Variants in UBE2E2 observed in about 807,000 individuals in gnomAD.
UBE2E2 encodes ubiquitin-conjugating enzyme E2 E2.
Under a neutral mutation model 24.7 loss-of-function variants are expected in UBE2E2, and 6 were observed. The ratio of observed to expected loss-of-function variants is 0.24; its 90% CI spans 0.13 to 0.48. The LOEUF is 0.48. Among genes scored for constraint, UBE2E2 ranks in the 20% least tolerant of loss-of-function variants. The pLI is 0.99. For missense variants in UBE2E2, 169 were observed against 245.0 expected (o/e 0.69, Z 2.07); for synonymous variants, 104 against 83.6 (o/e 1.24, Z -1.33).
chr3:23,280,095 G>A lies in UBE2E2; in HGVS notation c.227+62783G>A, dbSNP rs532077810. 6.6e-6 allele frequency among the ~76,000 whole-genome samples: 1 copy of A among 152,298 alleles called. No individual in the cohort carries two copies. The highest frequency in any genetic ancestry group is 6.5e-5 in the Admixed American group (1 of 15,300). The stretch of plus-strand genomic sequence containing the variant: ...CACATTTGACTTATTACCACGGTAA[G>A]GTTCAAATTACTGATATCACATTCT... On this transcript the variant is annotated intron_variant, in intron 3 of 5. Transcript: ENST00000396703. This position sits in a 1 kb window ranked among gnomAD's most constrained non-coding sequence, Gnocchi z 4.3.
intron 3 of UBE2E2, among the ~76,000 whole-genome samples, chr3:23,488,216 T>A (rs1441121882): frequency 1.4e-5 from 2 of 145,946 alleles, no homozygotes; most frequent in African/African-American, 2.6e-5. Flanking sequence ...TTTTTTTTTT[T>A]AATTAGACTT....
Position 23,591,576 on chromosome 3 carries a change from T to G in UBE2E2, c.*1745T>G, listed in dbSNP as rs1398482024. On this transcript the variant is annotated 3_prime_UTR_variant, in exon 6 of 6. Transcript: ENST00000396703. ...CTGATGCACTACTCAACCCTCTAGT[T>G]GTAGTAGAGGGAGCCACAGACAGTA... 6.6e-6 allele frequency: 1 copy of G among 152,124 alleles called. No individual in the cohort carries two copies. The highest frequency in any genetic ancestry group is 1.9e-4 in the East Asian group (1 of 5,194). The allele number at this position is 152,124 out of a possible 1,614,324, so 9.4% of individuals were successfully genotyped here.
chr3:23,334,784 G>A (rs535432241), intron 3 of UBE2E2, among the ~76,000 whole-genome samples: 5 of 152,256 alleles, frequency 3.3e-5, no homozygotes, highest in East Asian at 3.9e-4. Flanking sequence ...CTGGGCAGGA[G>A]CACATTCAGC....
chr3:23,506,773 A>G (rs1444434597), intron 4 of UBE2E2, among the ~76,000 whole-genome samples: 1 of 152,072 alleles, frequency 6.6e-6, no homozygotes, highest in Non-Finnish European at 1.5e-5. Flanking sequence ...GGCTGGGACC[A>G]CAGGCATTTG....
At chr3:23,452,745 G>A (rs1475253738) in intron 3 of UBE2E2, among the ~76,000 whole-genome samples, 1 of 152,138 alleles carries the variant, frequency 6.6e-6, no homozygotes, top group Admixed American at 6.6e-5. Flanking sequence ...GTGAAAAGGA[G>A]GGTATGTCAG....
chr3:23,203,165 T>G, upstream of UBE2E2: 1 of 985,092 alleles, frequency 1.0e-6, no homozygotes, highest in African/African-American at 1.8e-5. Context: ...TGGCTTCACT[T>G]TCCAGGACTC....
intron 3 of UBE2E2, among the ~76,000 whole-genome samples, chr3:23,318,585 G>T (rs1292933258): frequency 6.6e-6 from 1 of 151,976 alleles, no homozygotes; most frequent in Non-Finnish European, 1.5e-5. Context: ...GAAGGCAAAA[G>T]GCACGTCTAT....
At chr3:23,405,451 C>T (rs1202437754) in intron 3 of UBE2E2, among the ~76,000 whole-genome samples, 3 of 152,152 alleles carry the variant, frequency 2.0e-5, no homozygotes, top group African/African-American at 7.2e-5. Flanking sequence ...CCATGGCACA[C>T]TGTCTATTAT....
At chr3:23,494,443 T>C (rs1200483808) in intron 3 of UBE2E2, among the ~76,000 whole-genome samples, 2 of 152,222 alleles carry the variant, frequency 1.3e-5, no homozygotes, top group Non-Finnish European at 2.9e-5. Context: ...TTGCATTAAG[T>C]CTTCAAACTT....
intron 2 of UBE2E2, among the ~76,000 whole-genome samples, chr3:23,210,024 G>A (rs71317817): frequency 0.075 from 11,408 of 152,114 alleles, 544 homozygotes; most frequent in Non-Finnish European, 0.093. Flanking sequence ...CACAATTACC[G>A]GGGACTCAGC....
intron 3 of UBE2E2, among the ~76,000 whole-genome samples, chr3:23,231,929 C>T (rs1168599435): frequency 1.3e-5 from 2 of 152,226 alleles, no homozygotes; most frequent in African/African-American, 4.8e-5. Context: ...GTATGCTACC[C>T]TCCTGGCACC....
chr3:23,518,765 A>C (rs769159816), intron 4 of UBE2E2, among the ~76,000 whole-genome samples: 1 of 151,944 alleles, frequency 6.6e-6, no homozygotes, highest in South Asian at 2.1e-4. Flanking sequence ...CAGATTGTGG[A>C]TTGTGTTGCC....
At chr3:23,443,571 G>A (rs1311319492) in intron 3 of UBE2E2, among the ~76,000 whole-genome samples, 3 of 152,122 alleles carry the variant, frequency 2.0e-5, no homozygotes, top group South Asian at 2.1e-4. Flanking sequence ...ATTCCTCCAT[G>A]GGGGTATGCA....
At chr3:23,255,895 T>C (rs930422042) in intron 3 of UBE2E2, among the ~76,000 whole-genome samples, 2 of 152,198 alleles carry the variant, frequency 1.3e-5, no homozygotes, top group Non-Finnish European at 2.9e-5. Context: ...ACCCAGGAGT[T>C]TGAGGCTGTG....
intron 5 of UBE2E2, among the ~76,000 whole-genome samples, chr3:23,563,861 A>T (rs1231293108): frequency 1.3e-5 from 2 of 152,014 alleles, no homozygotes; most frequent in African/African-American, 2.4e-5. Flanking sequence ...GTTTTTTTCT[A>T]GGCCTAAGAC....
chr3:23,348,612 G>A (rs1227833971), intron 3 of UBE2E2, among the ~76,000 whole-genome samples: 1 of 152,122 alleles, frequency 6.6e-6, no homozygotes, highest in Non-Finnish European at 1.5e-5. Flanking sequence ...ACCAAGGACT[G>A]GTCAGTCCAT....
At chr3:23,499,543 G>A in intron 3 of UBE2E2, 65 bp from the exon 4 acceptor site, 1 of 1,553,400 alleles carries the variant, frequency 6.4e-7, no homozygotes, top group South Asian at 1.2e-5. Context: ...ATCATAAATA[G>A]ATTTTGTTAA....
At chr3:23,563,061 C>T (rs1438772045) in intron 5 of UBE2E2, among the ~76,000 whole-genome samples, 1 of 152,034 alleles carries the variant, frequency 6.6e-6, no homozygotes, top group African/African-American at 2.4e-5. Flanking sequence ...TTTTGTGTCT[C>T]TATCTCCTTC....
chr3:23,561,966 G>A (rs546602839), intron 5 of UBE2E2, among the ~76,000 whole-genome samples: 2 of 152,254 alleles, frequency 1.3e-5, no homozygotes, highest in South Asian at 4.2e-4. Context: ...AGAAGATTTT[G>A]GGCTGAGACA....
Sources: allele counts gnomAD v4.1 joint callset (sites outside exome capture counted in the v4.1 genomes callset), GRCh38; gene constraint gnomAD v4.1.1; non-coding constraint Gnocchi (gnomAD v3.1); transcripts MANE v1.5; gene names NCBI Gene and HGNC (gene_info 2026-07-23, HGNC 2026-07-21).